The following FANCC variants were observed in gnomAD, a reference collection of about 807,000 sequenced individuals.
FANCC encodes FA complementation group C.
A neutral mutation model predicts 71.3 loss-of-function variants in FANCC; 55 were observed. The observed-to-expected ratio is 0.77, with a 90% CI of 0.62 to 0.97. FANCC has a LOEUF of 0.97. Among genes scored for constraint, FANCC ranks in the 50% least tolerant of loss-of-function variants. The probability of loss-of-function intolerance (pLI) is 0.00; values close to 1 mark genes in which losing one functional copy is unlikely to be tolerated. For synonymous variants in FANCC, 275 were observed against 244.9 expected, an observed-to-expected ratio of 1.12 and a Z score of -1.15; for missense variants, 678 against 670.9, an observed-to-expected ratio of 1.01 and a Z score of -0.12.
At chr9:95,148,437 TA>T (rs776184033) in intron 7 of FANCC, among the ~76,000 whole-genome samples, 30 of 152,194 alleles carry the variant, frequency 2.0e-4, no homozygotes, top group Non-Finnish European at 1.9e-4. Context: ...TCTCAATAAT[TA>T]GCAAAGTGAC....
rs56737425 is a variant in FANCC, at chr9:95,100,485, A to T, written c.*1222T>A. 508 of 231,958 alleles carry T rather than the reference A, an allele frequency of 2.2e-3. 2 individuals carry two copies. Among genetic ancestry groups the T allele is most frequent in the African/African-American group, 0.011 (488 of 45,388 alleles). 14.4% of individuals were successfully genotyped at this position (231,958 alleles called of 1,614,324 possible). A position where few individuals can be genotyped will look rare whatever the true frequency, so the allele number is the denominator to read the frequency against. On this transcript the variant is annotated 3_prime_UTR_variant, in exon 15 of 15. Coordinates refer to ENST00000289081, the MANE Select transcript of FANCC (RefSeq NM_000136.3). Reference sequence around the variant, plus strand: ...GCCAAGACTCAGACTAATACACACAAATCAAAATGGACAAAAGCAAGTCTT... The same window carrying T: ...GCCAAGACTCAGACTAATACACACATATCAAAATGGACAAAAGCAAGTCTT...
At chr9:95,150,507 T>C (rs1830117901) in intron 6 of FANCC, among the ~76,000 whole-genome samples, 1 of 152,162 alleles carries the variant, frequency 6.6e-6, no homozygotes, top group South Asian at 2.1e-4. Flanking sequence ...CCTCCATCAC[T>C]GTCCTCCTAA....
At chr9:95,201,104 A>G (rs767717690) in intron 4 of FANCC, among the ~76,000 whole-genome samples, 1 of 152,222 alleles carries the variant, frequency 6.6e-6, no homozygotes, top group African/African-American at 2.4e-5. Context: ...ACAAAAGAGA[A>G]CATTTTTGAA....
intron 1 of FANCC, among the ~76,000 whole-genome samples, chr9:95,312,683 AG>A (rs1304830977): frequency 2.6e-5 from 4 of 152,252 alleles, no homozygotes; most frequent in Non-Finnish European, 5.9e-5. Flanking sequence ...ACAGGACTGG[AG>A]TAACAAGGTG....
At chr9:95,141,998 T>TG (rs1403002548) in intron 7 of FANCC, among the ~76,000 whole-genome samples, 3 of 142,582 alleles carry the variant, frequency 2.1e-5, no homozygotes, top group African/African-American at 5.2e-5. Context: ...TTTTTTTTTT[T>TG]TTTTTTTTTT....
Position 95,100,555 on chromosome 9 carries a change from A to G in FANCC, c.*1152T>C, listed in dbSNP as rs1053408438. On this transcript the variant is annotated 3_prime_UTR_variant, in exon 15 of 15. Coordinates refer to ENST00000289081, the MANE Select transcript of FANCC (RefSeq NM_000136.3). Reference sequence around the variant, plus strand: ...ATAGACACAAAAGAATGTACAACCAATACAATTCCAGAATGTCCCTGAAAG... The same window carrying G: ...ATAGACACAAAAGAATGTACAACCAGTACAATTCCAGAATGTCCCTGAAAG... 5.6e-5 allele frequency: 13 copies of G among 231,464 alleles called. No homozygotes were observed. The highest frequency in any genetic ancestry group is 1.0e-4 in the Non-Finnish European group (12 of 116,940). 14.3% of individuals were successfully genotyped at this position (231,464 alleles called of 1,614,324 possible). A position where few individuals can be genotyped will look rare whatever the true frequency, so the allele number is the denominator to read the frequency against.
intron 8 of FANCC, among the ~76,000 whole-genome samples, chr9:95,128,680 G>C (rs1369910395): frequency 6.6e-6 from 1 of 152,146 alleles, no homozygotes; most frequent in Non-Finnish European, 1.5e-5. Flanking sequence ...TAGCAAAATC[G>C]CTCAATCCAA....
intron 7 of FANCC, among the ~76,000 whole-genome samples, chr9:95,144,272 T>C (rs1829208451): frequency 6.6e-6 from 1 of 152,146 alleles, no homozygotes; most frequent in Non-Finnish European, 1.5e-5. Flanking sequence ...CTTGGGGAAC[T>C]TGCTGAGCTG....
At chr9:95,198,548 C>T (rs949261827) in intron 4 of FANCC, among the ~76,000 whole-genome samples, 5 of 152,146 alleles carry the variant, frequency 3.3e-5, no homozygotes, top group African/African-American at 4.8e-5. Context: ...AGTTGTCTAT[C>T]GTTTTGGAAA....
chr9:95,313,664 G>A (rs1254971452), intron 1 of FANCC, among the ~76,000 whole-genome samples: 2 of 152,000 alleles, frequency 1.3e-5, no homozygotes, highest in Admixed American at 1.3e-4. Context: ...GACATCACAA[G>A]ACAAAATATT....
intron 4 of FANCC, among the ~76,000 whole-genome samples, chr9:95,215,171 C>A (rs1828780830): frequency 1.3e-5 from 2 of 152,188 alleles, no homozygotes; most frequent in African/African-American, 4.8e-5. Flanking sequence ...AGTTCGGATA[C>A]AGATCACTGC....
chr9:95,104,092 A>G, intron 14 of FANCC, among the ~76,000 whole-genome samples: 1 of 152,166 alleles, frequency 6.6e-6, no homozygotes, highest in East Asian at 1.9e-4. Context: ...TCGTGGGCCA[A>G]GCAGACCCGG....
chr9:95,131,540 G>A (rs1455758901), intron 8 of FANCC, among the ~76,000 whole-genome samples: 1 of 152,122 alleles, frequency 6.6e-6, no homozygotes, highest in Non-Finnish European at 1.5e-5. Context: ...GCCCCCCTGA[G>A]GCTAATTCTG....
chr9:95,199,420 T>A (rs1031188924), intron 4 of FANCC, among the ~76,000 whole-genome samples: 7 of 151,818 alleles, frequency 4.6e-5, no homozygotes, highest in African/African-American at 1.5e-4. Context: ...ACCTCCTACA[T>A]CCCCTTCCCT....
chr9:95,161,833 TTTTC>T (rs1282494073), intron 6 of FANCC, among the ~76,000 whole-genome samples: 4 of 72,112 alleles, frequency 5.5e-5, no homozygotes, highest in South Asian at 4.2e-4. Context: ...TTTCTGCTTC[TTTTC>T]TTTTCTTTTT....
At chr9:95,137,623 T>C (rs943491081) in intron 7 of FANCC, among the ~76,000 whole-genome samples, 1 of 152,130 alleles carries the variant, frequency 6.6e-6, no homozygotes, top group Admixed American at 6.5e-5. Flanking sequence ...GTGTGTGGAT[T>C]TGGAGTGTCT....
chr9:95,136,767 A>T (rs1374022525), intron 7 of FANCC, among the ~76,000 whole-genome samples: 2 of 152,212 alleles, frequency 1.3e-5, no homozygotes, highest in Non-Finnish European at 2.9e-5. Flanking sequence ...TACAGGCCTG[A>T]GCCCCACTAC....
intron 4 of FANCC, among the ~76,000 whole-genome samples, chr9:95,179,729 T>C (rs907402621): frequency 2.4e-4 from 37 of 152,200 alleles, no homozygotes; most frequent in African/African-American, 8.7e-4. Context: ...TACATGTCAA[T>C]GCACATACAT....
chr9:95,218,454 A>G (rs554648343), intron 4 of FANCC, among the ~76,000 whole-genome samples: 1 of 152,192 alleles, frequency 6.6e-6, no homozygotes, highest in African/African-American at 2.4e-5. Context: ...ACAGAAGGAG[A>G]CCCTGTCTCA....
Sources: allele counts gnomAD v4.1 joint callset (sites outside exome capture counted in the v4.1 genomes callset), GRCh38; gene constraint gnomAD v4.1.1; transcripts MANE v1.5; gene names NCBI Gene and HGNC (gene_info 2026-07-23, HGNC 2026-07-21).